PLXNA2: variants seen among roughly 807,000 people sequenced by gnomAD.
PLXNA2 encodes the protein plexin A2.
PLXNA2 carries 91 observed loss-of-function variants against 193.5 expected under a neutral mutation model. That is an observed-to-expected ratio of 0.47 (90% CI 0.40 to 0.56). The LOEUF (loss-of-function observed/expected upper bound fraction) is 0.56, where lower values mean the gene tolerates loss of function less well. Among genes scored for constraint, PLXNA2 ranks in the 20% least tolerant of loss-of-function variants. The probability of loss-of-function intolerance (pLI) is 0.00; values close to 1 mark genes in which losing one functional copy is unlikely to be tolerated. For synonymous variants in PLXNA2, 997 were observed against 1,027.3 expected (o/e 0.97, Z 0.56); for missense variants, 1,995 against 2,503.2 (o/e 0.80, Z 4.33).
intron 4 of PLXNA2, among the ~76,000 whole-genome samples, chr1:208,129,553 C>T (rs1668083754): frequency 6.6e-6 from 1 of 152,210 alleles, no homozygotes; most frequent in Admixed American, 6.5e-5. Context: ...GGAAATAGTC[C>T]TTGAATATAC....
intron 3 of PLXNA2, among the ~76,000 whole-genome samples, chr1:208,165,942 GTT>G (rs1416390604): frequency 6.6e-6 from 1 of 152,148 alleles, no homozygotes; most frequent in Admixed American, 6.5e-5. Context: ...CCCCACTAAG[GTT>G]TGACTTCCTG....
chr1:208,238,737 A>C (rs939702177), intron 1 of PLXNA2, among the ~76,000 whole-genome samples: 1 of 152,210 alleles, frequency 6.6e-6, no homozygotes, highest in Non-Finnish European at 1.5e-5. Flanking sequence ...TCTTTTAAAA[A>C]AAAGTCTCCT....
At position 208,084,504 on chromosome 1, in the gene PLXNA2, C is replaced by T. The variant is rs770880735; in HGVS notation, c.2174G>A (p.Arg725Gln). The change falls in exon 10 of 32, where the codon CGA (arginine) becomes CAA (glutamine). Residue 725 changes from arginine (R) to glutamine (Q), a missense_variant. This residue lies in a region of PLXNA2 where 1,291 missense variants were observed against 1,673.6 expected (regional missense o/e 0.77). Transcript: ENST00000367033. ...GCCGGACTGCGGCTGGGGCAGATTT[C>T]GCGCCTTAAGGGTGATTGGCTTTAC... Reference protein sequence around the residue: ...GEVKPITLKARNLPQPQSGQR... With the variant: ...GEVKPITLKAQNLPQPQSGQR... 1.1e-4 allele frequency: 181 copies of T among 1,614,128 alleles called. 1 individual carries two copies. Among genetic ancestry groups the T allele is most frequent in the South Asian group, 2.0e-4 (18 of 91,094 alleles).
At chr1:208,171,668 G>A (rs549624339) in intron 3 of PLXNA2, among the ~76,000 whole-genome samples, 29 of 152,264 alleles carry the variant, frequency 1.9e-4, no homozygotes, top group African/African-American at 6.7e-4. Context: ...GGGTAACAGA[G>A]TGAGACCCTG....
rs761921996 is a variant in PLXNA2, at chr1:208,092,822, G to A, written c.2061C>T (p.Thr687=). 1.2e-6 allele frequency: 2 copies of A among 1,613,972 alleles called. No homozygotes were observed. The highest frequency in any genetic ancestry group is 2.2e-5 in the East Asian group (1 of 44,882). Reference sequence around the variant, plus strand: ...TGATCCGGCCCTCCTGGAAGGAGCAGGTGGTGGGGTCATGAGTGCAGAGGT... The same window carrying A: ...TGATCCGGCCCTCCTGGAAGGAGCAAGTGGTGGGGTCATGAGTGCAGAGGT... The part of the protein sequence containing the change: ...YRNLCTHDPT[T]CSFQEGRINI... Residue 687 remains threonine, a synonymous_variant, in exon 9 of 32, where the codon ACC becomes ACT. Transcript: ENST00000367033.
intron 3 of PLXNA2, among the ~76,000 whole-genome samples, chr1:208,171,748 T>C (rs2102531608): frequency 6.6e-6 from 1 of 152,124 alleles, no homozygotes; most frequent in East Asian, 2.0e-4. Flanking sequence ...CCCAGCTACT[T>C]GGGAAGCTGA....
At chr1:208,240,300 G>A (rs1390721238) in intron 1 of PLXNA2, among the ~76,000 whole-genome samples, 1 of 152,242 alleles carries the variant, frequency 6.6e-6, no homozygotes, top group Non-Finnish European at 1.5e-5. Flanking sequence ...AAGCCCAGGA[G>A]GACGGGGATA....
intron 3 of PLXNA2, among the ~76,000 whole-genome samples, chr1:208,203,401 A>T (rs2590698): frequency 6.6e-5 from 10 of 152,254 alleles, no homozygotes; most frequent in Non-Finnish European, 8.8e-5. Context: ...TTAGGGTATC[A>T]GATGGGCGGT....
chr1:208,186,024 G>A (rs1330001781), intron 3 of PLXNA2, among the ~76,000 whole-genome samples: 1 of 152,094 alleles, frequency 6.6e-6, no homozygotes, highest in African/African-American at 2.4e-5. Context: ...CAGTGTACAC[G>A]CACAGGTGGG....
chr1:208,088,972 C>A (rs759038091), intron 9 of PLXNA2, among the ~76,000 whole-genome samples: 3 of 152,138 alleles, frequency 2.0e-5, no homozygotes, highest in Non-Finnish European at 2.9e-5. Context: ...TTATTTAAGC[C>A]TCAGTCTATT....
intron 3 of PLXNA2, among the ~76,000 whole-genome samples, chr1:208,182,220 G>A (rs1356230879): frequency 1.3e-5 from 2 of 152,138 alleles, no homozygotes; most frequent in African/African-American, 2.4e-5. Context: ...GGATCACAAG[G>A]TCAGGAGTTC....
chr1:208,195,665 A>C (rs1243941655), intron 3 of PLXNA2, among the ~76,000 whole-genome samples: 1 of 103,226 alleles, frequency 9.7e-6, no homozygotes, highest in Non-Finnish European at 1.9e-5. Flanking sequence ...GGGGGGGGTT[A>C]GGGGTGGGCA....
chr1:208,105,443 C>T (rs1458585849), intron 4 of PLXNA2, among the ~76,000 whole-genome samples: 1 of 152,196 alleles, frequency 6.6e-6, no homozygotes, highest in East Asian at 1.9e-4. Context: ...TACATTAGTC[C>T]CTGCCAATTC....
intron 29 of PLXNA2, chr1:208,030,139 C>G (rs959942079): frequency 1.0e-6 from 1 of 985,448 alleles, no homozygotes; most frequent in South Asian, 4.7e-5. Flanking sequence ...CAACAGGATC[C>G]CTCACTTTCC....
At chr1:208,075,024 G>C (rs1375338924) in intron 12 of PLXNA2, among the ~76,000 whole-genome samples, 9 of 152,190 alleles carry the variant, frequency 5.9e-5, no homozygotes, top group Non-Finnish European at 1.2e-4. Context: ...TAAAGAAAAT[G>C]AGTTGGCCGG....
Position 208,216,841 on chromosome 1 carries a change from C to G in PLXNA2, c.1082G>C (p.Arg361Pro). The G allele has an allele frequency of 6.2e-7, 1 of 1,614,118 alleles. No individual in the cohort carries two copies. The highest frequency in any genetic ancestry group is 2.2e-5 in the East Asian group (1 of 44,880). ...CTCCTTGATCTGCAAGTTGATGGCC[C>G]GGATAGGGAAGGCACACAGGGCAGA... ...DDSALCAFPI[R>P]AINLQIKERL... Residue 361 changes from arginine to proline, a missense_variant, in exon 2 of 32, where the codon CGG becomes CCG. By Grantham distance (103) the Arg-to-Pro change is moderately radical. Coordinates refer to ENST00000367033, the MANE Select transcript of PLXNA2 (RefSeq NM_025179.4).
At chr1:208,107,706 T>A (rs1667317099) in intron 4 of PLXNA2, among the ~76,000 whole-genome samples, 1 of 152,170 alleles carries the variant, frequency 6.6e-6, no homozygotes, top group South Asian at 2.1e-4. Context: ...ACACTTTAAT[T>A]AGCATTTGTT....
At chr1:208,206,192 G>T (rs1226777346) in intron 3 of PLXNA2, among the ~76,000 whole-genome samples, 1 of 152,214 alleles carries the variant, frequency 6.6e-6, no homozygotes, top group African/African-American at 2.4e-5. Context: ...CACATAGCAT[G>T]ATTCCCACAT....
At chr1:208,135,441 G>C (rs1027392977) in intron 4 of PLXNA2, among the ~76,000 whole-genome samples, 1 of 152,268 alleles carries the variant, frequency 6.6e-6, no homozygotes, top group East Asian at 1.9e-4. Context: ...CTATTTATAA[G>C]CAGCATACCC....
Sources: allele counts gnomAD v4.1 joint callset (sites outside exome capture counted in the v4.1 genomes callset), GRCh38; gene constraint gnomAD v4.1.1; regional missense constraint gnomAD v4.1.1; transcripts MANE v1.5; gene names NCBI Gene and HGNC (gene_info 2026-07-23, HGNC 2026-07-21).